PRORP: variants seen among roughly 807,000 people sequenced by gnomAD.
The protein encoded by PRORP is mitochondrial ribonuclease P catalytic subunit.
In PRORP, 51 loss-of-function variants were observed where a neutral mutation model predicts 59.4. That is an observed-to-expected ratio of 0.86 (90% CI 0.69 to 1.08). The LOEUF (loss-of-function observed/expected upper bound fraction) is 1.08. Among genes scored for constraint, PRORP ranks in the 50% least tolerant of loss-of-function variants. The probability of loss-of-function intolerance (pLI) is 0.00; values close to 1 mark genes in which losing one functional copy is unlikely to be tolerated. For synonymous variants in PRORP, 231 were observed against 245.6 expected (o/e 0.94, Z 0.55); for missense variants, 646 against 690.3 (o/e 0.94, Z 0.72).
chr14:35,165,895 G>C (rs2048172144), intron 4 of PRORP, among the ~76,000 whole-genome samples: 1 of 152,030 alleles, frequency 6.6e-6, no homozygotes. Flanking sequence ...GGCCAGGCTG[G>C]TCTTGAACTC....
chr14:35,171,003 C>T (rs1182416545), intron 4 of PRORP, among the ~76,000 whole-genome samples: 1 of 152,028 alleles, frequency 6.6e-6, no homozygotes, highest in Non-Finnish European at 1.5e-5. Context: ...GCGTGTGCCA[C>T]CACACCCAGC....
intron 5 of PRORP, among the ~76,000 whole-genome samples, chr14:35,256,833 G>A (rs2050773526): frequency 6.6e-6 from 1 of 150,674 alleles, no homozygotes; most frequent in Admixed American, 6.6e-5. Context: ...TATTCTGCCT[G>A]CTTTTGTTTA....
At chr14:35,174,784 G>A (rs1036299602) in intron 4 of PRORP, among the ~76,000 whole-genome samples, 4 of 148,856 alleles carry the variant, frequency 2.7e-5, no homozygotes, top group African/African-American at 9.9e-5. Context: ...TAAGTTCTAG[G>A]GTACATGTGC....
At chr14:35,161,805 G>T (rs147024120) in intron 4 of PRORP, among the ~76,000 whole-genome samples, 8 of 152,042 alleles carry the variant, frequency 5.3e-5, no homozygotes, top group African/African-American at 1.9e-4. Context: ...CCAAAGATCA[G>T]TCAAGATTTA....
intron 5 of PRORP, among the ~76,000 whole-genome samples, chr14:35,221,071 A>T (rs1161579815): frequency 6.6e-6 from 1 of 152,148 alleles, no homozygotes; most frequent in Non-Finnish European, 1.5e-5. Flanking sequence ...GTTGTAGTAG[A>T]TATTAGCTGG....
At chr14:35,238,325 G>A (rs986054999) in intron 5 of PRORP, among the ~76,000 whole-genome samples, 2 of 152,112 alleles carry the variant, frequency 1.3e-5, no homozygotes, top group African/African-American at 4.8e-5. Context: ...TATCTAGACC[G>A]CCCCTCACTG....
chr14:35,176,626 T>C (rs560994020), intron 4 of PRORP, among the ~76,000 whole-genome samples: 70 of 152,346 alleles, frequency 4.6e-4, no homozygotes, highest in Non-Finnish European at 8.7e-4. Context: ...GCTTATCAGC[T>C]TAAGGAGATT....
chr14:35,152,734 G>C (rs71523160), intron 4 of PRORP, among the ~76,000 whole-genome samples: 2 of 149,394 alleles, frequency 1.3e-5, no homozygotes, highest in Non-Finnish European at 3.0e-5. Flanking sequence ...GGGCAGAGAC[G>C]CTCCTCACCT....
intron 4 of PRORP, among the ~76,000 whole-genome samples, chr14:35,129,327 T>C (rs1313411506): frequency 1.3e-5 from 2 of 151,942 alleles, no homozygotes; most frequent in Admixed American, 6.6e-5. Flanking sequence ...ATGTTATTAT[T>C]GATAAGTAAG....
chr14:35,126,892 T>A, intron 3 of PRORP, 110 bp downstream of exon 3: 1 of 784,204 alleles, frequency 1.3e-6, no homozygotes, highest in Non-Finnish European at 2.1e-6. Context: ...ATTACAAGTT[T>A]GTAATTAGAG....
upstream of PRORP, chr14:35,121,856 G>A (rs775993492): frequency 2.5e-6 from 4 of 1,607,530 alleles, no homozygotes; most frequent in South Asian, 4.4e-5. Context: ...ACCTCTAGGA[G>A]TTTAGGGCCG....
In PRORP at chr14:35,261,505, C is replaced by T. The variant is rs532056794; in HGVS notation, c.1276-5222C>T. Among the ~76,000 whole-genome samples, 3 of 152,240 alleles carry T rather than the reference C, an allele frequency of 2.0e-5. No individual in the cohort carries two copies. The South Asian group carries it at 6.2e-4, about 32-fold the overall frequency. On this transcript the variant is annotated intron_variant, in intron 5 of 7. Coordinates refer to ENST00000534898, the MANE Select transcript of PRORP (RefSeq NM_014672.4). Reference sequence around the variant, plus strand: ...CAGCACTTTGGGAGGCCAAGGCGGGCAGATCACGAGGTCAGGAGTTTGAGA... The same window carrying T: ...CAGCACTTTGGGAGGCCAAGGCGGGTAGATCACGAGGTCAGGAGTTTGAGA...
chr14:35,155,173 G>T (rs574098902), intron 4 of PRORP, among the ~76,000 whole-genome samples: 1 of 152,118 alleles, frequency 6.6e-6, no homozygotes. Flanking sequence ...GATTACAGGC[G>T]TGAGCCACCA....
At chr14:35,221,153 C>G (rs111281391) in intron 5 of PRORP, among the ~76,000 whole-genome samples, 387 of 152,294 alleles carry the variant, frequency 2.5e-3, no homozygotes, top group Admixed American at 5.8e-3. Context: ...GGGGAGAACG[C>G]AAGGTGGTTC....
intron 4 of PRORP, among the ~76,000 whole-genome samples, chr14:35,151,573 C>G (rs780772758): frequency 1.3e-5 from 2 of 151,878 alleles, no homozygotes; most frequent in Non-Finnish European, 2.9e-5. Context: ...TCTGCCAGCA[C>G]TCCCTATTTT....
intron 5 of PRORP, among the ~76,000 whole-genome samples, chr14:35,206,477 G>C (rs1208611177): frequency 2.0e-5 from 3 of 152,088 alleles, no homozygotes; most frequent in Non-Finnish European, 4.4e-5. Context: ...TTTAATTACT[G>C]GCCAGGTCTA....
intron 5 of PRORP, among the ~76,000 whole-genome samples, chr14:35,253,374 AAAAG>A (rs1434031638): frequency 1.4e-3 from 211 of 149,162 alleles, no homozygotes; most frequent in East Asian, 4.1e-3. Flanking sequence ...AGAAAGAAAG[AAAAG>A]AAAGAAAGAA....
intron 5 of PRORP, among the ~76,000 whole-genome samples, chr14:35,202,202 T>G (rs895836257): frequency 6.6e-6 from 1 of 151,092 alleles, no homozygotes; most frequent in East Asian, 2.0e-4. Context: ...CGTGATCCGC[T>G]CGCCTCAGCC....
At chr14:35,166,569 C>T (rs1389993595) in intron 4 of PRORP, among the ~76,000 whole-genome samples, 1 of 151,866 alleles carries the variant, frequency 6.6e-6, no homozygotes, top group East Asian at 1.9e-4. Context: ...CCTGCCTCAG[C>T]CTCCCAAGTA....
Sources: gnomAD v4.1 joint callset for allele counts (sites outside exome capture counted in the v4.1 genomes callset) on GRCh38, gnomAD v4.1.1 for gene constraint, MANE v1.5 for transcripts, NCBI Gene and HGNC (gene_info 2026-07-23, HGNC 2026-07-21) for gene names.